Variants in MARCHF1 observed in about 807,000 individuals in gnomAD.
The protein encoded by MARCHF1 is E3 ubiquitin-protein ligase MARCHF1.
A neutral mutation model predicts 54.2 loss-of-function variants in MARCHF1; 40 were observed. The ratio of observed to expected loss-of-function variants is 0.74; its 90% CI spans 0.57 to 0.96. MARCHF1 has a LOEUF of 0.96. MARCHF1 is among the 40% of genes least tolerant of loss of function. The pLI, the probability that MARCHF1 is intolerant of heterozygous loss-of-function variation, is 0.00. For synonymous variants in MARCHF1, 236 were observed against 236.3 expected (o/e 1.00, Z 0.01); for missense variants, 586 against 656.5 (o/e 0.89, Z 1.17).
intron 1 of MARCHF1, among the ~76,000 whole-genome samples, chr4:164,331,700 T>C (rs1330326053): frequency 6.6e-6 from 1 of 152,180 alleles, no homozygotes; most frequent in Non-Finnish European, 1.5e-5. Flanking sequence ...TATAAATACA[T>C]CTACATATCT....
chr4:163,809,025 C>T (rs1278195762), intron 4 of MARCHF1, among the ~76,000 whole-genome samples: 3 of 152,158 alleles, frequency 2.0e-5, no homozygotes, highest in Non-Finnish European at 4.4e-5. Context: ...AGTAGGTCCT[C>T]TCTTCCTCCT....
intron 8 of MARCHF1, among the ~76,000 whole-genome samples, chr4:163,557,466 T>C (rs1289464720): frequency 6.6e-6 from 1 of 151,034 alleles, no homozygotes; most frequent in East Asian, 1.9e-4. Context: ...TCTGGGTCTT[T>C]GGGAGCCCAT....
At chr4:163,890,818 A>G (rs4282124) in intron 3 of MARCHF1, among the ~76,000 whole-genome samples, 75,516 of 151,832 alleles carry the variant, frequency 0.5, 19,288 homozygotes, top group Non-Finnish European at 0.55. Flanking sequence ...CCTCCCCAGT[A>G]TAAGTCTGGA....
At chr4:163,997,205 C>G (rs1293479768) in intron 2 of MARCHF1, among the ~76,000 whole-genome samples, 1 of 151,880 alleles carries the variant, frequency 6.6e-6, no homozygotes, top group Non-Finnish European at 1.5e-5. Flanking sequence ...AGAATATGAA[C>G]CAGTGTTTGC....
chr4:164,164,370 C>A (rs569689384), intron 1 of MARCHF1, among the ~76,000 whole-genome samples: 1 of 151,506 alleles, frequency 6.6e-6, no homozygotes, highest in South Asian at 2.1e-4. Flanking sequence ...TGAGAGAAGA[C>A]ACATGTACCA....
At chr4:163,778,090 A>G (rs1334527911) in intron 4 of MARCHF1, among the ~76,000 whole-genome samples, 9 of 152,230 alleles carry the variant, frequency 5.9e-5, no homozygotes, top group Admixed American at 2.0e-4. Context: ...TGTTGCATTT[A>G]GCAATAGTTT....
At chr4:163,827,000 G>A (rs1328954167) in intron 4 of MARCHF1, among the ~76,000 whole-genome samples, 6 of 151,662 alleles carry the variant, frequency 4.0e-5, no homozygotes, top group Admixed American at 2.0e-4. Context: ...TTATCTCTGC[G>A]CAATTAACGA....
intron 1 of MARCHF1, among the ~76,000 whole-genome samples, chr4:164,221,209 C>T (rs983462653): frequency 6.6e-6 from 1 of 151,994 alleles, no homozygotes; most frequent in African/African-American, 2.4e-5. Flanking sequence ...TTCTTGAGAA[C>T]ATGTGGGAAG....
At chr4:163,743,819 G>A (rs1033129942) in intron 4 of MARCHF1, among the ~76,000 whole-genome samples, 66 of 152,202 alleles carry the variant, frequency 4.3e-4, no homozygotes, top group African/African-American at 1.5e-3. Context: ...GCTATGTAGA[G>A]CTAAATAATT....
chr4:163,605,947 C>T (rs948546946), intron 7 of MARCHF1, among the ~76,000 whole-genome samples: 1 of 151,992 alleles, frequency 6.6e-6, no homozygotes, highest in African/African-American at 2.4e-5. Flanking sequence ...AGGAGAAATA[C>T]CTAATGTAGA....
intron 4 of MARCHF1, among the ~76,000 whole-genome samples, chr4:163,849,765 T>A (rs1749592904): frequency 6.6e-6 from 1 of 152,090 alleles, no homozygotes; most frequent in African/African-American, 2.4e-5. Flanking sequence ...AACTCTGCAT[T>A]TTTTTTGTTT....
chr4:163,754,088 T>C (rs2110793204), intron 4 of MARCHF1, among the ~76,000 whole-genome samples: 1 of 152,332 alleles, frequency 6.6e-6, no homozygotes, highest in African/African-American at 2.4e-5. Context: ...AAGGTCAACA[T>C]TGTTATCAGG....
chr4:163,550,378 T>C (rs926979449), intron 8 of MARCHF1, among the ~76,000 whole-genome samples: 1 of 152,128 alleles, frequency 6.6e-6, no homozygotes, highest in East Asian at 1.9e-4. Context: ...TCTTTTTTCT[T>C]GACAGTTCAC....
rs1464556544 is a variant in MARCHF1 at position 163,529,127 on chromosome 4, A to G, written c.1340-81T>C. 24 of 1,031,684 alleles carry G rather than the reference A, an allele frequency of 2.3e-5. No homozygotes were observed. The South Asian group carries it at 3.5e-4, about 15-fold the overall frequency. The allele number at this position is 1,031,684 out of a possible 1,614,324, so 63.9% of individuals were successfully genotyped here. A position where few individuals can be genotyped will look rare whatever the true frequency, so the allele number is the denominator to read the frequency against. ...CATTTTTTTTTTCTATGACCCTTCAAAAGCCCGTGCTTGCCTTCTAGATTA... is the reference window on the plus strand; with the variant it reads ...CATTTTTTTTTTCTATGACCCTTCAGAAGCCCGTGCTTGCCTTCTAGATTA... On this transcript the variant is annotated intron_variant, in intron 9 of 9. Coordinates refer to ENST00000514618, the MANE Select transcript of MARCHF1 (RefSeq NM_001394959.1).
rs551409800 is a variant in MARCHF1, at chr4:164,041,568, T to G, written c.-247-52859A>C. Among the ~76,000 whole-genome samples the G allele has an allele frequency of 2.6e-4, 39 of 152,306 alleles. 1 individual carries two copies. The highest frequency in any genetic ancestry group is 2.1e-3 in the South Asian group (10 of 4,828). On this transcript the variant is annotated intron_variant, in intron 2 of 9. Transcript: ENST00000514618. ...GTACATGTCTTATAACAAAAACCAT[T>G]ATATTTTAGATGAAAATATTTAAAT...
intron 1 of MARCHF1, chr4:164,197,187 A>C: frequency 1.9e-6 from 3 of 1,608,456 alleles, no homozygotes; most frequent in Non-Finnish European, 2.5e-6. Flanking sequence ...CATCTTCATC[A>C]TACTCCTCCT....
intron 1 of MARCHF1, among the ~76,000 whole-genome samples, chr4:164,275,680 G>T (rs1222121533): frequency 7.0e-6 from 1 of 143,564 alleles, no homozygotes; most frequent in Non-Finnish European, 1.5e-5. Context: ...ATGTATAAGA[G>T]ATGTAGATTT....
intron 3 of MARCHF1, among the ~76,000 whole-genome samples, chr4:163,943,602 G>A (rs1460813609): frequency 6.6e-6 from 1 of 152,010 alleles, no homozygotes; most frequent in African/African-American, 2.4e-5. Context: ...GTGGAAGTTG[G>A]GAGGAGGGAG....
At chr4:164,214,598 G>A (rs1731875861) in intron 1 of MARCHF1, among the ~76,000 whole-genome samples, 1 of 152,132 alleles carries the variant, frequency 6.6e-6, no homozygotes, top group Admixed American at 6.5e-5. Context: ...ATTGAACAAG[G>A]TACATAAAAT....
Sources: gnomAD v4.1 joint callset for allele counts (sites outside exome capture counted in the v4.1 genomes callset) on GRCh38, gnomAD v4.1.1 for gene constraint, MANE v1.5 for transcripts, NCBI Gene and HGNC (gene_info 2026-07-23, HGNC 2026-07-21) for gene names.